ATXN7: variants seen among roughly 807,000 people sequenced by gnomAD.
ATXN7 encodes ataxin 7.
ATXN7 carries 12 observed loss-of-function variants against 70.5 expected under a neutral mutation model. The observed-to-expected ratio is 0.17, with a 90% confidence interval of 0.11 to 0.28. ATXN7 has a LOEUF of 0.28. Among genes scored for constraint, ATXN7 ranks in the 10% least tolerant of loss-of-function variants. The pLI is 1.00. For synonymous variants in ATXN7, 498 were observed against 448.7 expected, an observed-to-expected ratio of 1.11 and a Z score of -1.39; for missense variants, 1,256 against 1,131.7, an observed-to-expected ratio of 1.11 and a Z score of -1.58.
intron 1 of ATXN7, among the ~76,000 whole-genome samples, chr3:63,868,805 C>T (rs1702511033): frequency 1.3e-5 from 2 of 152,110 alleles, no homozygotes; most frequent in Admixed American, 6.5e-5. Context: ...GTCCATCACC[C>T]CTAAAAGTGC....
In ATXN7 at chr3:63,982,108, T is replaced by C. The variant is rs566508596; in HGVS notation, c.753-78T>C. ...GCTTGGGTAGGCCCAGGCTCTATCC[T>C]CATCCCTCTGGCTCACCATTCACCT... On this transcript the variant is annotated intron_variant, in intron 6 of 12. Transcript: ENST00000674280. 8 of 1,593,688 alleles carry C rather than the reference T, an allele frequency of 5.0e-6. No homozygotes were observed. In the East Asian group the frequency reaches 1.6e-4, roughly 31 times the overall value.
chr3:63,983,033 C>T lies in ATXN7; in HGVS notation c.1095+12C>T. On this transcript the variant is annotated intron_variant, in intron 8 of 12. Transcript: ENST00000674280. ...CTTTGACATGCAAGGTAGGTGGACT[C>T]CTGAAAGTCAAGTCGACCATCCTGA... is the stretch of plus-strand genomic sequence containing the variant. 3.1e-6 allele frequency: 5 copies of T among 1,609,366 alleles called. 1 individual carries two copies. The highest frequency in any genetic ancestry group is 2.2e-5 in the South Asian group (2 of 90,974).
intron 5 of ATXN7, chr3:63,967,755 A>T: frequency 7.0e-7 from 1 of 1,420,178 alleles, no homozygotes; most frequent in Non-Finnish European, 9.2e-7. Flanking sequence ...TTTTCTGTTG[A>T]TCTGCCAGGA....
At chr3:63,874,271 A>T (rs2107207088) in intron 1 of ATXN7, among the ~76,000 whole-genome samples, 1 of 152,310 alleles carries the variant, frequency 6.6e-6, no homozygotes, top group African/African-American at 2.4e-5. Flanking sequence ...TGGTCTCTGC[A>T]CTAAATTTTC....
At chr3:63,966,541 T>C (rs1218857965) in intron 5 of ATXN7, among the ~76,000 whole-genome samples, 1 of 152,224 alleles carries the variant, frequency 6.6e-6, no homozygotes, top group African/African-American at 2.4e-5. Context: ...TCCATAGTTT[T>C]GGATTGTATG....
chr3:63,909,536 T>A (rs1324154741), intron 2 of ATXN7, among the ~76,000 whole-genome samples: 1 of 152,182 alleles, frequency 6.6e-6, no homozygotes, highest in Non-Finnish European at 1.5e-5. Flanking sequence ...TACAGCTAAG[T>A]ATTGGGTTTC....
chr3:63,979,988 T>G lies in ATXN7; in HGVS notation c.573T>G (p.Ser191=). 6.2e-7 allele frequency: 1 copy of G among 1,614,218 alleles called. No individual in the cohort carries two copies. The highest frequency in any genetic ancestry group is 8.5e-7 in the Non-Finnish European group (1 of 1,180,048). ...CTTCAGTATTTTCCTTCTTCCCTTC[T>G]CTGTCCAAAAGCAAAGGAGGCAGTG... is the stretch of plus-strand genomic sequence containing the variant. ...PPTSVFSFFP[S]LSKSKGGSAS... Residue 191 remains serine, a synonymous_variant, in exon 6 of 13, where the codon TCT becomes TCG. Coordinates refer to ENST00000674280, the MANE Select transcript of ATXN7 (RefSeq NM_001377405.1).
At chr3:63,930,650 C>T (rs1363843313) in intron 4 of ATXN7, among the ~76,000 whole-genome samples, 1 of 152,014 alleles carries the variant, frequency 6.6e-6, no homozygotes, top group Non-Finnish European at 1.5e-5. Flanking sequence ...TGCCTTAGCC[C>T]CCTGAGTAGC....
chr3:63,969,360 A>G (rs1415500270), intron 5 of ATXN7, among the ~76,000 whole-genome samples: 1 of 152,188 alleles, frequency 6.6e-6, no homozygotes, highest in Non-Finnish European at 1.5e-5. Flanking sequence ...TCAGTGTAGC[A>G]CTTTTCAGCA....
Position 63,990,813 on chromosome 3 carries a change from G to A in ATXN7, c.1636G>A (p.Ala546Thr), listed in dbSNP as rs74823804. 8,746 of 1,614,196 alleles carry A rather than the reference G, an allele frequency of 5.4e-3. 466 individuals are homozygous for A. In the Admixed American group the frequency reaches 0.094, roughly 17 times the overall value. Residue 546 changes from alanine (A) to threonine (T), a missense_variant, in exon 11 of 13, where the codon GCC becomes ACC. Physicochemically the swap from Ala to Thr is moderately conservative, Grantham distance 58. Coordinates refer to ENST00000674280, the MANE Select transcript of ATXN7 (RefSeq NM_001377405.1). ...CTCCAGGTGGAATCGACTTCGCTGC[G>A]CCCTCAACCTCATGGTGGAGAAGCA... ...FDSRWNRLRCALNLMVEKHLN... is the reference protein window; with the variant it reads ...FDSRWNRLRCTLNLMVEKHLN...
Position 63,988,084 on chromosome 3 carries a change from C to T in ATXN7, c.1121C>T (p.Ala374Val). 6.2e-7 allele frequency: 1 copy of T among 1,614,122 alleles called. No homozygotes were observed. The change falls in exon 9 of 13, where the codon GCT (alanine) becomes GTT (valine). Residue 374 changes from alanine (A) to valine (V), a missense_variant. Ala to Val is a moderately conservative substitution (Grantham distance 64). Transcript: ENST00000674280. ...ACACATTCCTTAACCCAGCGCAGGG[C>T]TGTCCAGGGTAGAAGAAAACGATTT... ...CKTHSLTQRR[A>V]VQGRRKRFDV...
At chr3:63,940,639 A>T (rs768109494) in intron 4 of ATXN7, among the ~76,000 whole-genome samples, 9 of 152,172 alleles carry the variant, frequency 5.9e-5, no homozygotes, top group Non-Finnish European at 1.3e-4. Flanking sequence ...ACAGATATAG[A>T]CCGCAACTTT....
chr3:63,985,753 C>T (rs987622374), intron 8 of ATXN7, among the ~76,000 whole-genome samples: 10 of 152,182 alleles, frequency 6.6e-5, no homozygotes, highest in East Asian at 1.9e-4. Context: ...GCCTTCCACG[C>T]GGAGAGATTT....
intron 2 of ATXN7, among the ~76,000 whole-genome samples, chr3:63,902,925 A>G (rs1703699272): frequency 6.6e-6 from 1 of 152,190 alleles, no homozygotes; most frequent in African/African-American, 2.4e-5. Flanking sequence ...AAAAATCTAA[A>G]CATTATATAA....
chr3:63,972,934 G>A (rs2075336395), intron 5 of ATXN7, among the ~76,000 whole-genome samples: 1 of 152,204 alleles, frequency 6.6e-6, no homozygotes, highest in African/African-American at 2.4e-5. Context: ...CAAGCCTGTA[G>A]CTGGTATCAG....
chr3:63,972,237 T>G (rs1222449907), intron 5 of ATXN7, among the ~76,000 whole-genome samples: 2 of 152,256 alleles, frequency 1.3e-5, no homozygotes, highest in African/African-American at 4.8e-5. Context: ...GCGTTGTTAC[T>G]TACTGTGACT....
At chr3:63,937,419 G>A (rs1299896265) in intron 4 of ATXN7, among the ~76,000 whole-genome samples, 1 of 152,096 alleles carries the variant, frequency 6.6e-6, no homozygotes, top group Non-Finnish European at 1.5e-5. Context: ...AACATATTTG[G>A]AACTCAACCC....
At chr3:63,919,638 T>C (rs1171807649) in intron 4 of ATXN7, among the ~76,000 whole-genome samples, 1 of 151,964 alleles carries the variant, frequency 6.6e-6, no homozygotes, top group Non-Finnish European at 1.5e-5. Context: ...TTAGGGTACA[T>C]GTGCACAATG....
intron 1 of ATXN7, among the ~76,000 whole-genome samples, chr3:63,878,049 A>G (rs1260382231): frequency 6.6e-6 from 1 of 152,242 alleles, no homozygotes; most frequent in African/African-American, 2.4e-5. Context: ...AAAAAGATTT[A>G]TCTCAGGATG....
Sources: allele counts gnomAD v4.1 joint callset (sites outside exome capture counted in the v4.1 genomes callset), GRCh38; gene constraint gnomAD v4.1.1; transcripts MANE v1.5; gene names NCBI Gene and HGNC (gene_info 2026-07-23, HGNC 2026-07-21).